The following DTNB variants were observed in gnomAD, a reference collection of about 807,000 sequenced individuals.
The protein encoded by DTNB is DTN-B.
In DTNB, 63 loss-of-function variants were observed where a neutral mutation model predicts 90.7. The observed-to-expected ratio is 0.69, with a 90% CI of 0.57 to 0.86. DTNB has a LOEUF of 0.86. Ranked by LOEUF, DTNB falls within the 40% of genes least tolerant of loss-of-function variation. DTNB has a pLI of 0.00. For missense variants in DTNB, 744 were observed against 807.1 expected (o/e 0.92, Z 0.95); for synonymous variants, 277 against 286.7 (o/e 0.97, Z 0.34).
chr2:25,639,037 C>T lies in DTNB; in HGVS notation c.125G>A (p.Arg42Gln), dbSNP rs1475409951. 1.3e-6 allele frequency: 2 copies of T among 1,592,112 alleles called. No homozygotes were observed. The highest frequency in any genetic ancestry group is 2.2e-5 in the East Asian group (1 of 44,544). The change falls in exon 3 of 21, where the codon CGA becomes CAA. Residue 42 changes from arginine (R) to glutamine (Q), a missense_variant. Transcript: ENST00000406818. ...LSTYRTACKL[R>Q]FVQKRCNLHL... ...ACGGTTGCATCGTTTTTGTACAAAT[C>T]GTAATTTGCAGGCTGTTCTGTAAGT...
rs1383039396 is a variant in DTNB, at chr2:25,488,839, C to T, written c.1002-5966G>A. 2.0e-5 allele frequency among the ~76,000 whole-genome samples: 3 copies of T among 152,188 alleles called. No homozygotes were observed. The East Asian group carries it at 5.8e-4, about 29-fold the overall frequency. On this transcript the variant is annotated intron_variant, in intron 9 of 20. Coordinates refer to ENST00000406818, the MANE Select transcript of DTNB (RefSeq NM_021907.5). ...CTAATTTTTGTATTTTTTGTAGAGA[C>T]GGGGTTTCGCCATGTTGGCCAGGCT... is the stretch of plus-strand genomic sequence containing the variant.
intron 10 of DTNB, among the ~76,000 whole-genome samples, chr2:25,481,187 C>A (rs1429528930): frequency 2.0e-5 from 3 of 151,618 alleles, no homozygotes; most frequent in Non-Finnish European, 4.4e-5. Context: ...CACTTGAGAT[C>A]AGGAGTTTGA....
chr2:25,482,946 G>A, intron 9 of DTNB, 73 bp from the exon 10 acceptor site: 8 of 1,441,618 alleles, frequency 5.5e-6, no homozygotes, highest in Non-Finnish European at 7.5e-6. Flanking sequence ...CGATAAGCAT[G>A]GTAAGAGCAA....
intron 16 of DTNB, among the ~76,000 whole-genome samples, chr2:25,400,319 T>C (rs1004935274): frequency 6.6e-6 from 1 of 152,176 alleles, no homozygotes; most frequent in African/African-American, 2.4e-5. Flanking sequence ...AAAATCAAGA[T>C]GGAGCACCGC....
chr2:25,528,150 AG>A (rs1459635566), intron 9 of DTNB, among the ~76,000 whole-genome samples: 1 of 152,226 alleles, frequency 6.6e-6, no homozygotes, highest in African/African-American at 2.4e-5. Context: ...GATCATCAAT[AG>A]AGAAAATCAT....
intron 9 of DTNB, among the ~76,000 whole-genome samples, chr2:25,491,303 C>T (rs547053495): frequency 2.6e-4 from 40 of 152,238 alleles, no homozygotes; most frequent in African/African-American, 9.4e-4. Context: ...AACTTCCCAA[C>T]ATCATTACCA....
intron 8 of DTNB, among the ~76,000 whole-genome samples, chr2:25,565,402 A>AT (rs910973613): frequency 4.6e-4 from 70 of 150,646 alleles, no homozygotes; most frequent in South Asian, 4.6e-3. Flanking sequence ...AAGCCCAGCT[A>AT]TTTTTTTTTC....
chr2:25,452,898 C>T (rs548573939), intron 11 of DTNB, among the ~76,000 whole-genome samples: 1 of 152,046 alleles, frequency 6.6e-6, no homozygotes, highest in South Asian at 2.1e-4. Context: ...AGGATGATCA[C>T]CCTCTCAAAA....
intron 10 of DTNB, among the ~76,000 whole-genome samples, chr2:25,467,904 T>C (rs576136292): frequency 3.2e-4 from 48 of 152,206 alleles, no homozygotes; most frequent in African/African-American, 1.2e-3. Context: ...TAAACAAGTA[T>C]GTTCCAATAA....
intron 1 of DTNB, among the ~76,000 whole-genome samples, chr2:25,660,263 T>C (rs2082887050): frequency 6.6e-6 from 1 of 152,232 alleles, no homozygotes; most frequent in Non-Finnish European, 1.5e-5. Flanking sequence ...AATGAAGTAC[T>C]GAAGCATGCT....
chr2:25,560,297 A>C (rs1383337353), intron 8 of DTNB, among the ~76,000 whole-genome samples: 6 of 152,222 alleles, frequency 3.9e-5, no homozygotes, highest in Non-Finnish European at 7.3e-5. Context: ...GGGCTATGAG[A>C]AGCTCAGATA....
chr2:25,522,225 A>C (rs1212699728), intron 9 of DTNB, among the ~76,000 whole-genome samples: 1 of 152,236 alleles, frequency 6.6e-6, no homozygotes, highest in Non-Finnish European at 1.5e-5. Context: ...CTTGCAATTT[A>C]TTTGAAAAAC....
rs960017565 is a variant in DTNB at position 25,652,719 on chromosome 2, C to G, written c.-1-58G>C. Reference sequence around the variant, plus strand: ...TATAATTCGACAATTCAATCAAGTGCTAATCATTCTATTGTGAAGAGGGAC... The same window carrying G: ...TATAATTCGACAATTCAATCAAGTGGTAATCATTCTATTGTGAAGAGGGAC... On this transcript the variant is annotated intron_variant, in intron 1 of 20. Transcript: ENST00000406818. 9.0e-6 allele frequency: 14 copies of G among 1,562,212 alleles called. No individual in the cohort carries two copies. In the African/African-American group the frequency reaches 1.8e-4, roughly 20 times the overall value.
intron 10 of DTNB, among the ~76,000 whole-genome samples, chr2:25,460,522 G>C (rs2060766085): frequency 6.6e-6 from 1 of 152,094 alleles, no homozygotes; most frequent in African/African-American, 2.4e-5. Flanking sequence ...GATTTCAAAG[G>C]AGTGTGGAAA....
intron 18 of DTNB, among the ~76,000 whole-genome samples, chr2:25,385,108 C>G (rs6743506): frequency 0.63 from 95,690 of 151,806 alleles, 31,021 homozygotes; most frequent in African/African-American, 0.78. Flanking sequence ...AAACTCCTGA[C>G]CTTAGGTGAT....
At chr2:25,445,226 A>AT (rs1343951027) in intron 12 of DTNB, among the ~76,000 whole-genome samples, 2 of 151,626 alleles carry the variant, frequency 1.3e-5, no homozygotes, top group Non-Finnish European at 2.9e-5. Context: ...AAGTTTATTT[A>AT]TACATTTTAA....
Position 25,463,375 on chromosome 2 carries a change from G to A in DTNB, c.1080-7881C>T, listed in dbSNP as rs529296628. On this transcript the variant is annotated intron_variant, in intron 10 of 20. Transcript: ENST00000406818. ...CTCCACTGCCGCCATGACTTCTCCT[G>A]AGCAACTTCTTAGGAGTTCTCGCTT... 4.6e-5 allele frequency among the ~76,000 whole-genome samples: 7 copies of A among 152,254 alleles called. No homozygotes were observed. The East Asian group carries it at 1.4e-3, about 29-fold the overall frequency.
chr2:25,459,619 G>A (rs2150192791), intron 10 of DTNB, among the ~76,000 whole-genome samples: 1 of 152,114 alleles, frequency 6.6e-6, no homozygotes, highest in Non-Finnish European at 1.5e-5. Flanking sequence ...TCAGCCTCCT[G>A]AGTAACTGGG....
intron 19 of DTNB, among the ~76,000 whole-genome samples, chr2:25,382,771 C>T (rs1027196213): frequency 3.3e-5 from 5 of 151,976 alleles, no homozygotes; most frequent in African/African-American, 4.8e-5. Flanking sequence ...TCAAGTGATC[C>T]GCCCGCCTCG....
Sources: gnomAD v4.1 joint callset for allele counts (sites outside exome capture counted in the v4.1 genomes callset) on GRCh38, gnomAD v4.1.1 for gene constraint, MANE v1.5 for transcripts, NCBI Gene and HGNC (gene_info 2026-07-23, HGNC 2026-07-21) for gene names.